Variants in SPAG16 observed in about 807,000 individuals in gnomAD.
SPAG16 encodes the protein sperm-associated antigen 16 protein.
In SPAG16, 86 loss-of-function variants were observed where a neutral mutation model predicts 80.4. That is an observed-to-expected ratio of 1.07 (90% CI 0.90 to 1.28). The LOEUF (loss-of-function observed/expected upper bound fraction) is 1.28, where lower values mean the gene tolerates loss of function less well. SPAG16 is among the 50% of genes most tolerant of loss of function. The pLI is 0.00. For synonymous variants in SPAG16, 294 were observed against 265.9 expected (o/e 1.11, Z -1.03); for missense variants, 870 against 765.3 (o/e 1.14, Z -1.61).
chr2:213,681,116 T>C (rs1484028649), intron 10 of SPAG16, among the ~76,000 whole-genome samples: 1 of 152,160 alleles, frequency 6.6e-6, no homozygotes, highest in Non-Finnish European at 1.5e-5. Flanking sequence ...GATTGTCTCC[T>C]GGACCTGGAA....
intron 13 of SPAG16, among the ~76,000 whole-genome samples, chr2:214,086,391 G>GT (rs1156570384): frequency 1.3e-5 from 2 of 152,148 alleles, no homozygotes; most frequent in Non-Finnish European, 2.9e-5. Flanking sequence ...GTCTGGCTCT[G>GT]TGTCCCCATG....
chr2:214,151,085 T>G (rs1383931679), intron 15 of SPAG16, among the ~76,000 whole-genome samples: 1 of 152,094 alleles, frequency 6.6e-6, no homozygotes, highest in Non-Finnish European at 1.5e-5. Context: ...GACCTTCCCA[T>G]CCCTTTGACC....
At chr2:214,208,705 G>A (rs950442352) in intron 15 of SPAG16, among the ~76,000 whole-genome samples, 8 of 151,968 alleles carry the variant, frequency 5.3e-5, no homozygotes, top group Non-Finnish European at 1.0e-4. Context: ...TGATGACATT[G>A]AGCAGTAGGA....
chr2:214,163,001 C>G (rs191898687), intron 15 of SPAG16, among the ~76,000 whole-genome samples: 102 of 152,146 alleles, frequency 6.7e-4, no homozygotes, highest in African/African-American at 2.4e-3. Context: ...AGCTTATTAA[C>G]TAGTTATTCA....
At chr2:213,643,683 C>T (rs753652112) in intron 10 of SPAG16, among the ~76,000 whole-genome samples, 10 of 147,954 alleles carry the variant, frequency 6.8e-5, no homozygotes, top group South Asian at 2.2e-4. Flanking sequence ...ATCCTGTAGG[C>T]GCCCTTCATT....
At chr2:213,438,436 A>G (rs999600164) in intron 9 of SPAG16, among the ~76,000 whole-genome samples, 4 of 152,218 alleles carry the variant, frequency 2.6e-5, no homozygotes, top group Admixed American at 1.3e-4. Flanking sequence ...GCTTATTTTT[A>G]TATAACAAGT....
At chr2:213,448,595 A>G (rs1352451838) in intron 9 of SPAG16, among the ~76,000 whole-genome samples, 1 of 152,230 alleles carries the variant, frequency 6.6e-6, no homozygotes, top group Non-Finnish European at 1.5e-5. Flanking sequence ...ATATTTATAT[A>G]AAAAGAAAGG....
intron 10 of SPAG16, among the ~76,000 whole-genome samples, chr2:213,816,295 T>A (rs1309673192): frequency 1.3e-5 from 2 of 152,164 alleles, no homozygotes; most frequent in East Asian, 3.8e-4. Flanking sequence ...TATGAATGAC[T>A]ACAATCATTT....
intron 10 of SPAG16, among the ~76,000 whole-genome samples, chr2:213,764,944 G>A (rs2068852819): frequency 6.6e-6 from 1 of 152,186 alleles, no homozygotes; most frequent in Non-Finnish European, 1.5e-5. Context: ...ATAAATGCTT[G>A]ACTCAAGCAA....
At position 213,425,378 on chromosome 2, in the gene SPAG16, G is replaced by A. The variant is rs1322477409; in HGVS notation, c.942+50259G>A. Among the ~76,000 whole-genome samples, 4 of 152,030 alleles carry A rather than the reference G, an allele frequency of 2.6e-5. 1 individual carries two copies. The highest frequency in any genetic ancestry group is 4.4e-5 in the Non-Finnish European group (3 of 68,006). On this transcript the variant is annotated intron_variant, in intron 9 of 15. Transcript: ENST00000331683. ...GCATATAAATGTGTAGGCTGGGTAT[G>A]GTGGCTCATGCCTGTAATCCCAGCA... is the stretch of plus-strand genomic sequence containing the variant.
intron 7 of SPAG16, among the ~76,000 whole-genome samples, chr2:213,353,460 G>T (rs1445700530): frequency 6.6e-6 from 1 of 152,224 alleles, no homozygotes; most frequent in Non-Finnish European, 1.5e-5. Flanking sequence ...CTGGAGAGTA[G>T]TGTGTTTTTC....
At chr2:214,176,470 A>G (rs2057083447) in intron 15 of SPAG16, among the ~76,000 whole-genome samples, 1 of 151,244 alleles carries the variant, frequency 6.6e-6, no homozygotes, top group Admixed American at 6.6e-5. Context: ...GTAGTTTTCC[A>G]AGTAGGCTAC....
chr2:214,315,689 G>A (rs1244175718), intron 15 of SPAG16, among the ~76,000 whole-genome samples: 1 of 151,958 alleles, frequency 6.6e-6, no homozygotes, highest in East Asian at 1.9e-4. Flanking sequence ...GCGCCATCAT[G>A]CCTGGCTAAT....
At chr2:214,311,782 A>T (rs1212140614) in intron 15 of SPAG16, 1 of 152,128 alleles carries the variant, frequency 6.6e-6, no homozygotes, top group Admixed American at 6.5e-5. Flanking sequence ...AAAAAAACTA[A>T]TTTACTTTCT....
At chr2:214,385,983 G>T (rs1298562728) in intron 15 of SPAG16, among the ~76,000 whole-genome samples, 10 of 152,152 alleles carry the variant, frequency 6.6e-5, no homozygotes, top group Admixed American at 6.5e-4. Context: ...CTTTCACATG[G>T]TCTCTTTTTC....
chr2:213,324,670 A>G (rs527300232), intron 5 of SPAG16, among the ~76,000 whole-genome samples: 3 of 152,244 alleles, frequency 2.0e-5, no homozygotes, highest in African/African-American at 7.2e-5. Flanking sequence ...GTTATTTCCA[A>G]CAGTTGGTTA....
At chr2:214,213,992 T>G (rs75066207) in intron 15 of SPAG16, among the ~76,000 whole-genome samples, 2 of 152,188 alleles carry the variant, frequency 1.3e-5, no homozygotes, top group African/African-American at 4.8e-5. Context: ...AAACTCTATT[T>G]ATAGTGCCTT....
At chr2:213,778,872 C>T (rs374159519) in intron 10 of SPAG16, among the ~76,000 whole-genome samples, 1 of 152,206 alleles carries the variant, frequency 6.6e-6, no homozygotes, top group East Asian at 1.9e-4. Flanking sequence ...TCTCAGCAAG[C>T]CTTCTTTGGC....
At chr2:213,417,973 A>C (rs779163296) in intron 9 of SPAG16, among the ~76,000 whole-genome samples, 9 of 151,616 alleles carry the variant, frequency 5.9e-5, no homozygotes, top group Non-Finnish European at 1.3e-4. Context: ...TCCCAGGTTC[A>C]AGCAATTCTC....
Sources: gnomAD v4.1 joint callset for allele counts (sites outside exome capture counted in the v4.1 genomes callset) on GRCh38, gnomAD v4.1.1 for gene constraint, MANE v1.5 for transcripts, NCBI Gene and HGNC (gene_info 2026-07-23, HGNC 2026-07-21) for gene names.